Variants in FAM24B observed in about 807,000 individuals in gnomAD.
FAM24B encodes the protein family with sequence similarity 24 member B.
Under a neutral mutation model 2.3 loss-of-function variants are expected in FAM24B, and 3 were observed. The observed-to-expected ratio is 1.29, with a 90% CI of 0.59 to 3.32. The LOEUF (loss-of-function observed/expected upper bound fraction) is 3.32. Among genes scored for constraint, FAM24B ranks in the 30% most tolerant of loss-of-function variants. The pLI is 0.03. For missense variants in FAM24B, 98 were observed against 117.2 expected, an observed-to-expected ratio of 0.84 and a Z score of 0.76; for synonymous variants, 36 against 46.3, an observed-to-expected ratio of 0.78 and a Z score of 0.90.
chr10:122,869,221 CAAG>C (rs1198446582), intron 1 of FAM24B, among the ~76,000 whole-genome samples: 2 of 152,174 alleles, frequency 1.3e-5, no homozygotes, highest in Non-Finnish European at 2.9e-5. Flanking sequence ...ATCAATTCAA[CAAG>C]AAGAACTAAC....
At chr10:122,861,618 AAT>A (rs1314908414) in intron 1 of FAM24B, among the ~76,000 whole-genome samples, 6 of 152,216 alleles carry the variant, frequency 3.9e-5, no homozygotes, top group South Asian at 4.1e-4. Context: ...AATTTCCATC[AAT>A]GTTTTATAAT....
In FAM24B at chr10:122,865,098, GTCAT is replaced by G. The variant is rs1847782159; in HGVS notation, c.-177-9316_-177-9313del. ...AAATAACTAGGAGTCCAACTGCTGA[GTCAT>G]TATGTACCATTTAAAATTCCAACCA... On this transcript the variant is annotated intron_variant, in intron 1 of 3. Transcript: ENST00000368898. Among the ~76,000 whole-genome samples the G allele has an allele frequency of 5.9e-5, 9 of 152,306 alleles. No individual in the cohort carries two copies. In the South Asian group the frequency reaches 1.9e-3, roughly 32 times the overall value.
At chr10:122,872,540 T>C (rs1007507856) in intron 1 of FAM24B, among the ~76,000 whole-genome samples, 1 of 152,200 alleles carries the variant, frequency 6.6e-6, no homozygotes, top group Non-Finnish European at 1.5e-5. Context: ...CCAACCCAAA[T>C]GTCCAACAAT....
At position 122,854,587 on chromosome 10, in the gene FAM24B, G is replaced by C. The variant is rs185409515; in HGVS notation, c.-36+1058C>G. Among the ~76,000 whole-genome samples the C allele has an allele frequency of 2.0e-5, 3 of 152,350 alleles. No individual in the cohort carries two copies. In the East Asian group the frequency reaches 5.8e-4, roughly 29 times the overall value. On this transcript the variant is annotated intron_variant, in intron 2 of 3. Transcript: ENST00000368898. ...ATCCCGTTGCATTTCATTTAAGGAA[G>C]GGGCTGATTTTTGTGTTGATGTTTT...
intron 3 of FAM24B, 80 bp from the exon 4 acceptor site, chr10:122,849,519 G>A: frequency 4.5e-6 from 6 of 1,328,656 alleles, no homozygotes; most frequent in Non-Finnish European, 2.1e-6. Context: ...GGGGGTATCT[G>A]GGGAGTTTAG....
At chr10:122,872,679 C>T (rs545190531) in intron 1 of FAM24B, among the ~76,000 whole-genome samples, 19 of 152,008 alleles carry the variant, frequency 1.2e-4, no homozygotes, top group Non-Finnish European at 2.5e-4. Flanking sequence ...AGCAAACTAT[C>T]GCAAGGACAG....
At chr10:122,849,713 G>C (rs987688146) in intron 3 of FAM24B, among the ~76,000 whole-genome samples, 1 of 152,016 alleles carries the variant, frequency 6.6e-6, no homozygotes, top group African/African-American at 2.4e-5. Context: ...CCGAGATGCA[G>C]GAATGATGGG....
At chr10:122,870,205 C>T (rs1426119201) in intron 1 of FAM24B, among the ~76,000 whole-genome samples, 4 of 152,070 alleles carry the variant, frequency 2.6e-5, no homozygotes, top group Non-Finnish European at 5.9e-5. Context: ...AAAAATTCCT[C>T]GACACATACA....
intron 3 of FAM24B, 105 bp from the exon 4 acceptor site, chr10:122,849,544 A>C (rs1416941287): frequency 1.1e-6 from 1 of 944,948 alleles, no homozygotes; most frequent in Non-Finnish European, 1.6e-6. Context: ...GAAGCCAGTC[A>C]AACATGAACA....
intron 3 of FAM24B, 93 bp from the exon 4 acceptor site, chr10:122,849,532 C>A (rs1032460828): frequency 3.5e-6 from 4 of 1,156,804 alleles, no homozygotes; most frequent in Middle Eastern, 2.1e-4. Context: ...GAGTTTAGTG[C>A]TGAAGCCAGT....
At chr10:122,851,417 C>T (rs1489610054) in intron 2 of FAM24B, among the ~76,000 whole-genome samples, 1 of 152,244 alleles carries the variant, frequency 6.6e-6, no homozygotes, top group Non-Finnish European at 1.5e-5. Flanking sequence ...GCAGAGCTAG[C>T]AGAATGGATA....
In FAM24B at chr10:122,850,504, G is replaced by A. The variant is rs758221112; in HGVS notation, c.12C>T (p.Ile4=). Residue 4 remains isoleucine, a synonymous_variant, in exon 3 of 4, where the codon ATC becomes ATT. Coordinates refer to ENST00000368898, the MANE Select transcript of FAM24B (RefSeq NM_152644.3). The part of the protein sequence containing the change: MPV[I]AGGILAALLL... The stretch of plus-strand genomic sequence containing the variant: ...GCAAGGCCGCCAGGATACCACCAGC[G>A]ATGACAGGCATAATCACTGTATGGA... The A allele has an allele frequency of 1.3e-5, 21 of 1,613,126 alleles. No individual in the cohort carries two copies. The South Asian group carries it at 1.6e-4, about 13-fold the overall frequency.
rs780814233 is a variant in FAM24B, at chr10:122,850,523, G to T, written c.-8C>A. On this transcript the variant is annotated 5_prime_UTR_variant, in exon 3 of 4. Transcript: ENST00000368898. ...ACCAGCGATGACAGGCATAATCACT[G>T]TATGGAGGTCAAAAGACTTCGATGT... is the stretch of plus-strand genomic sequence containing the variant. The T allele has an allele frequency of 1.2e-6, 2 of 1,605,650 alleles. No homozygotes were observed. The highest frequency in any genetic ancestry group is 2.2e-5 in the East Asian group (1 of 44,830).
intron 1 of FAM24B, among the ~76,000 whole-genome samples, chr10:122,861,936 G>A (rs555726821): frequency 8.1e-5 from 12 of 147,660 alleles, no homozygotes; most frequent in African/African-American, 2.9e-4. Flanking sequence ...TGACCTACAC[G>A]GACCTTCATA....
chr10:122,872,393 C>A (rs1432672103), intron 1 of FAM24B, among the ~76,000 whole-genome samples: 1 of 152,208 alleles, frequency 6.6e-6, no homozygotes, highest in Non-Finnish European at 1.5e-5. Context: ...CCTCAAGGAT[C>A]TAGAAGTAGA....
At chr10:122,868,661 G>A (rs1400597105) in intron 1 of FAM24B, among the ~76,000 whole-genome samples, 2 of 152,106 alleles carry the variant, frequency 1.3e-5, no homozygotes, top group Non-Finnish European at 1.5e-5. Context: ...TTTCAACCCA[G>A]AATTTCATAT....
chr10:122,875,971 C>A (rs896836461), intron 1 of FAM24B, among the ~76,000 whole-genome samples: 1 of 152,142 alleles, frequency 6.6e-6, no homozygotes, highest in Non-Finnish European at 1.5e-5. Context: ...AGTGCTGGCA[C>A]GCCACTGAGC....
intron 1 of FAM24B, among the ~76,000 whole-genome samples, chr10:122,873,043 TA>T (rs1283466863): frequency 1.3e-5 from 2 of 152,294 alleles, no homozygotes; most frequent in Non-Finnish European, 2.9e-5. Context: ...GTGCAAGGTG[TA>T]ACAGGAAGGT....
At chr10:122,852,298 G>A (rs756457394) in intron 2 of FAM24B, among the ~76,000 whole-genome samples, 3 of 152,188 alleles carry the variant, frequency 2.0e-5, no homozygotes, top group Non-Finnish European at 4.4e-5. Context: ...AGAAGCCATT[G>A]CCAGAGCCAG....
Sources: allele counts gnomAD v4.1 joint callset (sites outside exome capture counted in the v4.1 genomes callset), GRCh38; gene constraint gnomAD v4.1.1; transcripts MANE v1.5; gene names NCBI Gene and HGNC (gene_info 2026-07-23, HGNC 2026-07-21).